The following RANGAP1 variants were observed in gnomAD, a reference collection of about 807,000 sequenced individuals.
RANGAP1 encodes ran GTPase-activating protein 1.
In RANGAP1, 38 loss-of-function variants were observed where a neutral mutation model predicts 63.5. The ratio of observed to expected loss-of-function variants is 0.60; its 90% CI spans 0.46 to 0.78. RANGAP1 has a LOEUF of 0.78. RANGAP1 is among the 30% of genes least tolerant of loss of function. The pLI is 0.00. For synonymous variants in RANGAP1, 329 were observed against 310.5 expected (o/e 1.06, Z -0.63); for missense variants, 630 against 740.3 (o/e 0.85, Z 1.73).
rs1347299799 is a variant in RANGAP1, at chr22:41,246,005, T to G, written c.*598A>C. The G allele has an allele frequency of 6.5e-6, 1 of 153,716 alleles. No homozygotes were observed. Among genetic ancestry groups the G allele is most frequent in the Non-Finnish European group, 1.4e-5 (1 of 69,192 alleles). The allele number at this position is 153,716 out of a possible 1,614,324, so 9.5% of individuals were successfully genotyped here. A position where few individuals can be genotyped will look rare whatever the true frequency, so the allele number is the denominator to read the frequency against. On this transcript the variant is annotated 3_prime_UTR_variant, in exon 16 of 16. Transcript: ENST00000356244. ...CGGTGTGGGGCCCAGGGTTGCCCTC[T>G]GCCAACAACCCCACGATCCGACCCC...
chr22:41,254,074 C>T (rs924040530), intron 11 of RANGAP1, among the ~76,000 whole-genome samples: 7 of 150,910 alleles, frequency 4.6e-5, no homozygotes, highest in Admixed American at 4.6e-4. Flanking sequence ...CACCACTGCA[C>T]TCCAGCCTGG....
chr22:41,278,808 C>G (rs2035308435), intron 2 of RANGAP1, among the ~76,000 whole-genome samples: 1 of 152,204 alleles, frequency 6.6e-6, no homozygotes, highest in Non-Finnish European at 1.5e-5. Flanking sequence ...CAAAACCAGC[C>G]TGGCCAACAT....
At chr22:41,299,548 T>C in the RANGAP1 span, among the ~76,000 whole-genome samples, 17 of 152,096 alleles carry the variant, frequency 1.1e-4, no homozygotes, top group Non-Finnish European at 2.5e-4. Context: ...GGATTTCAGA[T>C]GTGAGCCACC....
chr22:41,264,711 G>C lies in RANGAP1; in HGVS notation c.433C>G (p.Gln145Glu). 2 of 1,613,850 alleles carry C rather than the reference G, an allele frequency of 1.2e-6. No individual in the cohort carries two copies. Among genetic ancestry groups the C allele is most frequent in the Non-Finnish European group, 1.7e-6 (2 of 1,179,734 alleles). Residue 145 changes from glutamine to glutamate, a missense_variant, in exon 5 of 16, where the codon CAG (glutamine) becomes GAG (glutamate). Gln to Glu is a conservative substitution (Grantham distance 29). Transcript: ENST00000356244. ...LLKSSACFTL[Q>E]ELKLNNCGMG... ...CCACAGTTGTTGAGCTTGAGTTCCT[G>C]CAGGGTGAAGCAGGCTGAGCTCTTG...
chr22:41,301,338 C>G, the RANGAP1 span, among the ~76,000 whole-genome samples: 3 of 152,106 alleles, frequency 2.0e-5, no homozygotes, highest in Non-Finnish European at 2.9e-5. Context: ...CCCTAAAAGG[C>G]AGGACACTTT....
upstream of RANGAP1, chr22:41,286,264 G>A (rs2035746976): frequency 6.6e-6 from 1 of 152,280 alleles, no homozygotes; most frequent in South Asian, 2.1e-4. Context: ...GGCCCCGGCC[G>A]GCTTGCCCTC....
Position 41,249,722 on chromosome 22 carries a change from G to T in RANGAP1, c.1572+7C>A. On this transcript the variant is annotated splice_region_variant and intron_variant, in intron 14 of 15. Coordinates refer to ENST00000356244, the MANE Select transcript of RANGAP1 (RefSeq NM_002883.4). ...CCTCCCGGGCCTGCTGTTCCTTCCGGCCTCACCTTGAGCAGACCCATGTGC... is the reference window on the plus strand; with the variant it reads ...CCTCCCGGGCCTGCTGTTCCTTCCGTCCTCACCTTGAGCAGACCCATGTGC... 1 of 1,610,722 alleles carries T rather than the reference G, an allele frequency of 6.2e-7. No individual in the cohort carries two copies. Among genetic ancestry groups the T allele is most frequent in the Non-Finnish European group, 8.5e-7 (1 of 1,176,972 alleles).
intron 2 of RANGAP1, among the ~76,000 whole-genome samples, chr22:41,275,815 G>A (rs935125373): frequency 6.6e-5 from 10 of 151,696 alleles, no homozygotes; most frequent in Non-Finnish European, 1.5e-4. Flanking sequence ...GTGTGGTGGC[G>A]TGCACCTGTA....
the RANGAP1 span, among the ~76,000 whole-genome samples, chr22:41,298,777 G>A: frequency 1.3e-5 from 2 of 152,114 alleles, no homozygotes; most frequent in Middle Eastern, 3.2e-3. Context: ...GGGATTTTGG[G>A]TGTACCCCAT....
At chr22:41,263,454 G>A (rs1003290963) in intron 5 of RANGAP1, among the ~76,000 whole-genome samples, 5 of 152,004 alleles carry the variant, frequency 3.3e-5, no homozygotes, top group Admixed American at 1.3e-4. Context: ...GCGCCATCTC[G>A]GCTCACTGCA....
At position 41,256,213 on chromosome 22, in the gene RANGAP1, C is replaced by G. The variant is rs919277026; in HGVS notation, c.966G>C (p.Glu322Asp). Residue 322 changes from glutamate (E) to aspartate (D), a missense_variant, in exon 9 of 16, where the codon GAG becomes GAC. By Grantham distance (45) the Glu-to-Asp change is conservative (BLOSUM62 2). Around this residue, in one of 3 missense-constraint regions of RANGAP1, gnomAD observed 428 missense variants for 465.5 expected, o/e 0.92. Coordinates refer to ENST00000356244, the MANE Select transcript of RANGAP1 (RefSeq NM_002883.4). Reference sequence around the variant, plus strand: ...TACCATTCAGGTCCAGCTTCTCCAGCTCAGCTTTGTCTGCCATGGCCTCAG... The same window carrying G: ...TACCATTCAGGTCCAGCTTCTCCAGGTCAGCTTTGTCTGCCATGGCCTCAG... ...AVAEAMADKA[E>D]LEKLDLNGNT... is the part of the protein sequence containing the mutation. The G allele has an allele frequency of 2.5e-6, 4 of 1,614,054 alleles. No individual in the cohort carries two copies. The highest frequency in any genetic ancestry group is 2.5e-6 in the Non-Finnish European group (3 of 1,180,038).
At chr22:41,271,589 G>A (rs1161600830) in intron 3 of RANGAP1, among the ~76,000 whole-genome samples, 1 of 151,890 alleles carries the variant, frequency 6.6e-6, no homozygotes, top group African/African-American at 2.4e-5. Flanking sequence ...AGCCACTTGG[G>A]AGGCTGAGGC....
chr22:41,265,999 G>A (rs897314720), intron 4 of RANGAP1, among the ~76,000 whole-genome samples: 12 of 151,902 alleles, frequency 7.9e-5, no homozygotes, highest in African/African-American at 1.2e-4. Context: ...TCGGGAGATC[G>A]AGACCATCCT....
At chr22:41,254,033 G>A (rs1274071102) in intron 11 of RANGAP1, among the ~76,000 whole-genome samples, 4 of 150,740 alleles carry the variant, frequency 2.7e-5, no homozygotes, top group East Asian at 2.0e-4. Context: ...ACTTGAACCC[G>A]GGAGGCAGAG....
chr22:41,254,441 G>A lies in RANGAP1; in HGVS notation c.1127C>T (p.Ala376Val). The change falls in exon 11 of 16, where the codon GCA (alanine) becomes GTA (valine). Residue 376 changes from alanine (A) to valine (V), a missense_variant. Ala to Val is a moderately conservative substitution (Grantham distance 64, BLOSUM62 0). Around this residue, in one of 3 missense-constraint regions of RANGAP1, gnomAD observed 428 missense variants for 465.5 expected, o/e 0.92. Transcript: ENST00000356244. ...EEEGEEEEEE[A>V]EEEEEEDEEE... ...CTCATCTTCCTCCTCCTCTTCTTCT[G>A]CTTCCTCTTCTTCCTCTTCTCCTTC... is the stretch of plus-strand genomic sequence containing the variant. The A allele has an allele frequency of 6.2e-7, 1 of 1,610,106 alleles. No homozygotes were observed. Among genetic ancestry groups the A allele is most frequent in the Non-Finnish European group, 8.5e-7 (1 of 1,178,502 alleles).
upstream of RANGAP1, among the ~76,000 whole-genome samples, chr22:41,290,158 A>AGAGAG (rs1397947294): frequency 2.9e-5 from 4 of 138,648 alleles, no homozygotes; most frequent in South Asian, 8.8e-4. Flanking sequence ...AAAAAAAAAA[A>AGAGAG]AGAGAGAGAG....
At chr22:41,265,812 G>A (rs1287264052) in intron 4 of RANGAP1, among the ~76,000 whole-genome samples, 1 of 152,140 alleles carries the variant, frequency 6.6e-6, no homozygotes, top group East Asian at 1.9e-4. Flanking sequence ...CCCTCACCCT[G>A]GCCACAGATA....
chr22:41,273,215 C>G (rs776408082), intron 3 of RANGAP1, among the ~76,000 whole-genome samples: 3 of 152,136 alleles, frequency 2.0e-5, no homozygotes, highest in African/African-American at 7.2e-5. Context: ...AGAGCCCAGC[C>G]CAACCCCAGC....
At chr22:41,295,405 C>T in the RANGAP1 span, among the ~76,000 whole-genome samples, 5 of 152,244 alleles carry the variant, frequency 3.3e-5, no homozygotes, top group South Asian at 2.1e-4. Context: ...TTACCCCCAA[C>T]CCTGTGCTCT....
Sources: allele counts gnomAD v4.1 joint callset (sites outside exome capture counted in the v4.1 genomes callset), GRCh38; gene constraint gnomAD v4.1.1; regional missense constraint gnomAD v4.1.1; transcripts MANE v1.5; gene names NCBI Gene and HGNC (gene_info 2026-07-23, HGNC 2026-07-21).